The following KCTD14 variants were observed in gnomAD, a reference collection of about 807,000 sequenced individuals.
KCTD14 encodes the protein potassium channel tetramerization domain containing 14.
A neutral mutation model predicts 5.9 loss-of-function variants in KCTD14; 7 were observed. The observed-to-expected ratio is 1.19, with a 90% CI of 0.68 to 2.23. The LOEUF is 2.23. KCTD14 is among the 30% of genes most tolerant of loss of function. The pLI, the probability that KCTD14 is intolerant of heterozygous loss-of-function variation, is 0.00. For missense variants in KCTD14, 342 were observed against 332.2 expected (o/e 1.03, Z -0.23); for synonymous variants, 140 against 133.1 (o/e 1.05, Z -0.36).
chr11:78,041,633 C>T (rs919298968), intron 1 of KCTD14, among the ~76,000 whole-genome samples: 3 of 152,234 alleles, frequency 2.0e-5, no homozygotes, highest in South Asian at 2.1e-4. Flanking sequence ...CGCTATTTCA[C>T]TCTATTAAAT....
intron 1 of KCTD14, among the ~76,000 whole-genome samples, chr11:78,017,994 G>A (rs1183895710): frequency 6.6e-6 from 1 of 152,156 alleles, no homozygotes; most frequent in Non-Finnish European, 1.5e-5. Context: ...CTACTCAGGA[G>A]GCTGAGGCAC....
Position 78,023,170 on chromosome 11 carries a change from C to A in KCTD14, c.80G>T (p.Arg27Met). ...TAGCCTCGCACTTACCGTTGGCCGC[C>A]TGGGCCGGGGGGACTGGGGCAGAGG... ...QTPLPQSPRP[R>M]RPTMSTVVEL... The change falls in exon 1 of 2, where the codon AGG (arginine) becomes ATG (methionine). Residue 27 changes from arginine to methionine, a missense_variant. By Grantham distance (91) the Arg-to-Met change is moderately conservative (BLOSUM62 -1). Transcript: ENST00000353172. 1 of 1,591,402 alleles carries A rather than the reference C, an allele frequency of 6.3e-7. No homozygotes were observed. The highest frequency in any genetic ancestry group is 8.5e-7 in the Non-Finnish European group (1 of 1,171,520).
chr11:78,038,857 C>A, intron 1 of KCTD14: 1 of 1,354,296 alleles, frequency 7.4e-7, no homozygotes, highest in East Asian at 2.5e-5. Context: ...ACTGGAGCCA[C>A]ACTGCAGAAC....
chr11:78,025,330 G>A (rs1366586111), upstream of KCTD14, among the ~76,000 whole-genome samples: 9 of 151,660 alleles, frequency 5.9e-5, no homozygotes, highest in African/African-American at 2.2e-4. Flanking sequence ...GGGAGGCTAG[G>A]CCAGTCTCTC....
chr11:78,021,843 T>C (rs1239065586), intron 1 of KCTD14, among the ~76,000 whole-genome samples: 1 of 152,166 alleles, frequency 6.6e-6, no homozygotes, highest in Non-Finnish European at 1.5e-5. Flanking sequence ...CCTTTGCAAC[T>C]AGGCTGCTAC....
chr11:78,046,183 C>A (rs1858135745), exon 1 of KCTD14: 12 of 943,906 alleles, frequency 1.3e-5, no homozygotes, highest in Non-Finnish European at 1.5e-5. Context: ...AGAAAGAGAT[C>A]GGCTCAGTGC....
intron 1 of KCTD14, among the ~76,000 whole-genome samples, chr11:78,043,642 G>T (rs1037777018): frequency 9.2e-5 from 14 of 152,180 alleles, no homozygotes; most frequent in African/African-American, 3.1e-4. Flanking sequence ...AGGCCTCCTG[G>T]AGCAGGTGAC....
upstream of KCTD14, among the ~76,000 whole-genome samples, chr11:78,025,118 G>GTTTGTGTA (rs1230114793): frequency 2.2e-5 from 1 of 44,472 alleles, no homozygotes; most frequent in Non-Finnish European, 4.5e-5. Flanking sequence ...GTGTGTGTGT[G>GTTTGTGTA]TATATATATA....
chr11:78,028,907 A>G (rs1274503535), intron 2 of KCTD14, among the ~76,000 whole-genome samples: 1 of 152,124 alleles, frequency 6.6e-6, no homozygotes, highest in Non-Finnish European at 1.5e-5. Flanking sequence ...AATGACATGC[A>G]TAAAAATGAG....
chr11:78,016,420 C>A lies in KCTD14; in HGVS notation c.*173G>T, dbSNP rs1857164808. The A allele has an allele frequency of 1.6e-6, 1 of 610,534 alleles. No homozygotes were observed. Among genetic ancestry groups the A allele is most frequent in the East Asian group, 2.8e-5 (1 of 36,304 alleles). 37.8% of individuals were successfully genotyped at this position (610,534 alleles called of 1,614,324 possible). On this transcript the variant is annotated 3_prime_UTR_variant, in exon 2 of 2. Coordinates refer to ENST00000353172, the MANE Select transcript of KCTD14 (RefSeq NM_023930.4). ...AGTTGCTAGGCAAATATAGTGGCAT[C>A]AGTTGCAATGGAGTGGAAAGTCCTT...
At chr11:78,033,004 C>G (rs1474362651) in intron 2 of KCTD14, among the ~76,000 whole-genome samples, 1 of 152,138 alleles carries the variant, frequency 6.6e-6, no homozygotes, top group Non-Finnish European at 1.5e-5. Context: ...AAATCTACCA[C>G]TAGGCTGCTG....
intron 2 of KCTD14, among the ~76,000 whole-genome samples, chr11:78,029,646 T>C (rs573113644): frequency 1.3e-5 from 2 of 152,382 alleles, no homozygotes; most frequent in Non-Finnish European, 2.9e-5. Context: ...CTGAGTTGTT[T>C]GCAAAATAAA....
chr11:78,020,406 C>T (rs1012199016), intron 1 of KCTD14, among the ~76,000 whole-genome samples: 2 of 152,198 alleles, frequency 1.3e-5, no homozygotes, highest in Non-Finnish European at 2.9e-5. Flanking sequence ...ATGACAACAT[C>T]TCCTACCAGG....
intron 2 of KCTD14, among the ~76,000 whole-genome samples, chr11:78,032,429 C>A (rs1857650873): frequency 2.0e-5 from 3 of 152,196 alleles, no homozygotes; most frequent in Admixed American, 6.5e-5. Context: ...TAAAAGGTAA[C>A]CTTTGTTTCA....
intron 2 of KCTD14, among the ~76,000 whole-genome samples, chr11:78,029,860 C>A (rs1243892134): frequency 6.6e-6 from 1 of 151,752 alleles, no homozygotes; most frequent in East Asian, 1.9e-4. Flanking sequence ...CGGCTCACTG[C>A]AAGCTCCACC....
At chr11:78,023,074 G>A (rs1362152768) in intron 1 of KCTD14, 86 bp downstream of exon 1, 17 of 912,194 alleles carry the variant, frequency 1.9e-5, no homozygotes, top group Admixed American at 1.8e-4. Context: ...TGGGAGGGAC[G>A]GGCAGGAGAA....
At chr11:78,019,026 C>CT (rs750759055) in intron 1 of KCTD14, among the ~76,000 whole-genome samples, 38,710 of 140,308 alleles carry the variant, frequency 0.28, 6,011 homozygotes, top group African/African-American at 0.43. Flanking sequence ...TTTTTCTTTT[C>CT]TTTTTTTTTT....
At chr11:78,036,169 A>G (rs1376129202) in intron 2 of KCTD14, among the ~76,000 whole-genome samples, 1 of 150,596 alleles carries the variant, frequency 6.6e-6, no homozygotes, top group Non-Finnish European at 1.5e-5. Context: ...AAAAAAAACA[A>G]AAGAGTCCCT....
chr11:78,031,503 C>T (rs1320123571), intron 2 of KCTD14, among the ~76,000 whole-genome samples: 1 of 151,844 alleles, frequency 6.6e-6, no homozygotes, highest in Non-Finnish European at 1.5e-5. Context: ...CTCAGCCTCT[C>T]GAGTAGCTGG....
Sources: allele counts gnomAD v4.1 joint callset (sites outside exome capture counted in the v4.1 genomes callset), GRCh38; gene constraint gnomAD v4.1.1; transcripts MANE v1.5; gene names NCBI Gene and HGNC (gene_info 2026-07-23, HGNC 2026-07-21).